The following CCN6 variants were observed in gnomAD, a reference collection of about 807,000 sequenced individuals.
CCN6 encodes the protein CCN family member 6.
CCN6 carries 31 observed loss-of-function variants against 37.4 expected under a neutral mutation model. The ratio of observed to expected loss-of-function variants is 0.83; its 90% CI spans 0.62 to 1.12. The LOEUF (loss-of-function observed/expected upper bound fraction) is 1.12. CCN6 is among the 50% of genes most tolerant of loss of function. CCN6 has a pLI of 0.00. For synonymous variants in CCN6, 137 were observed against 142.1 expected, an observed-to-expected ratio of 0.96 and a Z score of 0.26; for missense variants, 369 against 413.8, an observed-to-expected ratio of 0.89 and a Z score of 0.94.
At chr6:112,054,050 GA>G (rs1554311271), upstream of CCN6, 2 of 558,258 alleles carry the variant, frequency 3.6e-6, no homozygotes, top group African/African-American at 3.8e-5. Context: ...GTCACTTAGA[GA>G]ACAGTCACTA....
intron 3 of CCN6, among the ~76,000 whole-genome samples, 170 bp from the exon 4 acceptor site, chr6:112,068,035 G>A (rs1049199277): frequency 6.6e-6 from 1 of 152,046 alleles, no homozygotes; most frequent in Non-Finnish European, 1.5e-5. Context: ...TAATTTTGGG[G>A]TTGGGAAAGA....
At chr6:112,067,405 A>T (rs1275578550) in intron 3 of CCN6, among the ~76,000 whole-genome samples, 1 of 152,106 alleles carries the variant, frequency 6.6e-6, no homozygotes, top group African/African-American at 2.4e-5. Context: ...CCTTACATGG[A>T]AATGGGAGCA....
In CCN6 at chr6:112,060,215, G is replaced by A; in HGVS notation, c.49-776G>A. 2.5e-6 allele frequency: 3 copies of A among 1,209,940 alleles called. No individual in the cohort carries two copies. The South Asian group carries it at 3.9e-5, about 16-fold the overall frequency. The allele number at this position is 1,209,940 out of a possible 1,614,324, so 75.0% of individuals were successfully genotyped here. ...GGAAGTCACTCCATATGAGCAAAGA[G>A]TGATATGAACTGGCTTATTTTTAAA... On this transcript the variant is annotated intron_variant, in intron 1 of 4. Transcript: ENST00000368666.
chr6:112,057,490 A>G (rs587606155), intron 1 of CCN6, among the ~76,000 whole-genome samples: 7 of 152,342 alleles, frequency 4.6e-5, no homozygotes, highest in African/African-American at 1.2e-4. Flanking sequence ...AATACAATAC[A>G]TAGGAGAGGG....
intron 3 of CCN6, among the ~76,000 whole-genome samples, chr6:112,067,256 A>T (rs782403582): frequency 1.3e-5 from 2 of 152,090 alleles, no homozygotes; most frequent in Non-Finnish European, 1.5e-5. Flanking sequence ...GCAGACTCAA[A>T]TCACAACCAT....
chr6:112,054,886 T>G (rs116594249), intron 1 of CCN6: 56 of 197,472 alleles, frequency 2.8e-4, no homozygotes, highest in African/African-American at 1.2e-3. Flanking sequence ...TTTACATTTT[T>G]AAAACATTCT....
rs1232916129 is a variant in CCN6 at position 112,069,493 on chromosome 6, TTAC to T, written c.941_943del (p.Thr314del). The T allele has an allele frequency of 7.4e-6, 12 of 1,613,668 alleles. No homozygotes were observed. The highest frequency in any genetic ancestry group is 1.0e-5 in the Non-Finnish European group (12 of 1,179,852). On this transcript the variant is annotated inframe_deletion, in exon 5 of 5. Coordinates refer to ENST00000368666, the MANE Select transcript of CCN6 (RefSeq NM_198239.2). ...TGTATCCCTAATAAGTCTAAAATGATTACTATTCAATTTGATTGCCCAAATGAG... is the reference window on the plus strand; with the variant it reads ...TGTATCCCTAATAAGTCTAAAATGATTATTCAATTTGATTGCCCAAATGAG...
Position 112,056,664 on chromosome 6 carries a change from C to A in CCN6, c.48+2259C>A, listed in dbSNP as rs587692061. On this transcript the variant is annotated intron_variant, in intron 1 of 4. Transcript: ENST00000368666. Reference sequence around the variant, plus strand: ...CTGAGTAGCTGGGACTACAGGTGCACGCCACCACACCTGGCTAAGTTTTTG... The same window carrying A: ...CTGAGTAGCTGGGACTACAGGTGCAAGCCACCACACCTGGCTAAGTTTTTG... 2.0e-5 allele frequency among the ~76,000 whole-genome samples: 3 copies of A among 152,174 alleles called. No homozygotes were observed. In the South Asian group the frequency reaches 6.2e-4, roughly 32 times the overall value.
At chr6:112,065,665 C>G (rs1776676357) in intron 3 of CCN6, among the ~76,000 whole-genome samples, 1 of 151,744 alleles carries the variant, frequency 6.6e-6, no homozygotes, top group South Asian at 2.1e-4. Flanking sequence ...TGCACACACA[C>G]AGGCATTTTT....
intron 1 of CCN6, among the ~76,000 whole-genome samples, chr6:112,055,206 G>T (rs990405058): frequency 6.6e-6 from 1 of 152,204 alleles, no homozygotes; most frequent in East Asian, 1.9e-4. Flanking sequence ...ATTGCAAATT[G>T]TTATACCATA....
At chr6:112,068,174 A>G in intron 3 of CCN6, 31 bp from the exon 4 acceptor site, 1 of 1,520,012 alleles carries the variant, frequency 6.6e-7, no homozygotes, top group Non-Finnish European at 9.0e-7. Flanking sequence ...ATTTATATGT[A>G]TACATATGTA....
At chr6:112,065,612 A>G (rs148558639) in intron 3 of CCN6, among the ~76,000 whole-genome samples, 91 of 133,348 alleles carry the variant, frequency 6.8e-4, no homozygotes, top group African/African-American at 1.1e-3. Context: ...ACACACACGC[A>G]CACACACACG....
intron 3 of CCN6, chr6:112,067,037 C>T: frequency 7.3e-7 from 1 of 1,366,154 alleles, no homozygotes; most frequent in Non-Finnish European, 9.8e-7. Flanking sequence ...TTCCAGGTAT[C>T]TTCACGTTTC....
In CCN6 at chr6:112,069,499, T is replaced by C. The variant is rs1554314764; in HGVS notation, c.944T>C (p.Ile315Thr). The part of the protein sequence containing the change: ...CIPNKSKMIT[I>T]QFDCPNEGSF... The stretch of plus-strand genomic sequence containing the variant: ...CCTAATAAGTCTAAAATGATTACTA[T>C]TCAATTTGATTGCCCAAATGAGGGG... The change falls in exon 5 of 5, where the codon ATT (isoleucine) becomes ACT (threonine). Residue 315 changes from isoleucine (I) to threonine (T), a missense_variant. Transcript: ENST00000368666. 1 of 1,613,806 alleles carries C rather than the reference T, an allele frequency of 6.2e-7. No individual in the cohort carries two copies. The highest frequency in any genetic ancestry group is 2.2e-5 in the East Asian group (1 of 44,810).
At chr6:112,065,614 A>ACACACACACGCG in intron 3 of CCN6, among the ~76,000 whole-genome samples, 1 of 131,726 alleles carries the variant, frequency 7.6e-6, no homozygotes, top group African/African-American at 3.0e-5. Context: ...ACACACGCAC[A>ACACACACACGCG]CACACACGCA....
chr6:112,065,598 A>ACG (rs1554313771), intron 3 of CCN6, among the ~76,000 whole-genome samples: 1 of 81,612 alleles, frequency 1.2e-5, no homozygotes, highest in Non-Finnish European at 2.6e-5. Flanking sequence ...GCACACACAC[A>ACG]CAAACACACA....
At chr6:112,059,758 T>G (rs959717155) in intron 1 of CCN6, among the ~76,000 whole-genome samples, 1 of 152,198 alleles carries the variant, frequency 6.6e-6, no homozygotes, top group African/African-American at 2.4e-5. Flanking sequence ...GAAGTTTGAT[T>G]GAAATAACCA....
At chr6:112,059,362 G>A (rs782078053) in intron 1 of CCN6, among the ~76,000 whole-genome samples, 13 of 152,172 alleles carry the variant, frequency 8.5e-5, no homozygotes, top group African/African-American at 1.9e-4. Flanking sequence ...AAAATCAAGC[G>A]TTGGCAGGAC....
chr6:112,063,032 C>G (rs1776572904), intron 2 of CCN6, among the ~76,000 whole-genome samples: 1 of 152,144 alleles, frequency 6.6e-6, no homozygotes, highest in South Asian at 2.1e-4. Context: ...AAACATGTAA[C>G]TTATTTTCCA....
Sources: gnomAD v4.1 joint callset for allele counts (sites outside exome capture counted in the v4.1 genomes callset) on GRCh38, gnomAD v4.1.1 for gene constraint, MANE v1.5 for transcripts, NCBI Gene and HGNC (gene_info 2026-07-23, HGNC 2026-07-21) for gene names.